The following CDKN2B-AS1 variants were observed in gnomAD, a reference collection of about 807,000 sequenced individuals.
CDKN2B-AS1 encodes CDKN2B antisense RNA 1 (non-protein coding).
In CDKN2B-AS1 at chr9:21,998,211, ACT is replaced by A. The variant is rs3218017; in HGVS notation, n.29+3053_29+3054del. The stretch of plus-strand genomic sequence containing the variant: ...TCAGCAAAATACAATGGTGAAGATG[ACT>A]CTTTCTAGCATAACAATGGGTATGT... On this transcript the variant is annotated intron_variant and non_coding_transcript_variant, in intron 1 of 4. Coordinates refer to ENST00000650946, the Ensembl canonical transcript of CDKN2B-AS1. 1.7e-3 allele frequency among the ~76,000 whole-genome samples: 253 copies of A among 152,210 alleles called. 5 individuals carry two copies. Among genetic ancestry groups the A allele is most frequent in the African/African-American group, 5.9e-3 (243 of 41,538 alleles).
chr9:22,045,528 C>T (rs1448187469), intron 1 of CDKN2B-AS1, among the ~76,000 whole-genome samples: 1 of 152,014 alleles, frequency 6.6e-6, no homozygotes, highest in Non-Finnish European at 1.5e-5. Flanking sequence ...AATAGTTTAG[C>T]TTCACTAAAC....
At chr9:22,064,562 G>C (rs1331823491) in intron 4 of CDKN2B-AS1, among the ~76,000 whole-genome samples, 2 of 152,180 alleles carry the variant, frequency 1.3e-5, no homozygotes, top group Non-Finnish European at 2.9e-5. Context: ...AACCTTAATT[G>C]GAATTAATTG....
intron 1 of CDKN2B-AS1, among the ~76,000 whole-genome samples, chr9:22,040,940 T>C (rs186110846): frequency 5.3e-5 from 8 of 152,154 alleles, no homozygotes; most frequent in Non-Finnish European, 1.2e-4. Context: ...AATGTATCTC[T>C]AGGCTTTCTC....
intron 1 of CDKN2B-AS1, among the ~76,000 whole-genome samples, chr9:22,015,243 C>T (rs965550280): frequency 6.6e-6 from 1 of 152,276 alleles, no homozygotes; most frequent in African/African-American, 2.4e-5. Flanking sequence ...AAAAGTGTTC[C>T]TATTTCTCCA....
intron 1 of CDKN2B-AS1, among the ~76,000 whole-genome samples, chr9:22,034,764 CTG>C (rs1822617057): frequency 6.6e-6 from 1 of 152,110 alleles, no homozygotes; most frequent in South Asian, 2.1e-4. Context: ...CTCATCTCTG[CTG>C]TTGTAATAAA....
intron 1 of CDKN2B-AS1, among the ~76,000 whole-genome samples, chr9:22,044,441 C>G (rs542220795): frequency 6.6e-6 from 1 of 152,046 alleles, no homozygotes; most frequent in African/African-American, 2.4e-5. Context: ...TGTGAATACT[C>G]TGGAGATTTG....
chr9:22,012,378 G>A lies in CDKN2B-AS1; in HGVS notation n.29+17217G>A, dbSNP rs535623619. 4.2e-6 allele frequency: 4 copies of A among 958,498 alleles called. No individual in the cohort carries two copies. In the South Asian group the frequency reaches 5.2e-5, roughly 12 times the overall value. The allele number at this position is 958,498 out of a possible 1,614,324, so 59.4% of individuals were successfully genotyped here. A position where few individuals can be genotyped will look rare whatever the true frequency, so the allele number is the denominator to read the frequency against. On this transcript the variant is annotated intron_variant and non_coding_transcript_variant, in intron 1 of 4. Transcript: ENST00000650946. ...CCGCACCTGGTGCTGCACCTGCGAGGTGGCATTATTGAGCCTTCACTCTTC... is the reference window on the plus strand; with the variant it reads ...CCGCACCTGGTGCTGCACCTGCGAGATGGCATTATTGAGCCTTCACTCTTC...
intron 1 of CDKN2B-AS1, among the ~76,000 whole-genome samples, chr9:22,033,657 A>G (rs963792664): frequency 1.3e-5 from 2 of 152,188 alleles, no homozygotes; most frequent in Admixed American, 1.3e-4. Context: ...TTTCCTATAC[A>G]GTATGCAGCC....
At chr9:22,034,391 G>T (rs1349965571) in intron 1 of CDKN2B-AS1, among the ~76,000 whole-genome samples, 1 of 152,092 alleles carries the variant, frequency 6.6e-6, no homozygotes, top group Non-Finnish European at 1.5e-5. Flanking sequence ...CTGACTTTCT[G>T]CCTTAGGTGT....
intron 4 of CDKN2B-AS1, among the ~76,000 whole-genome samples, chr9:22,085,704 G>C (rs957054554): frequency 7.3e-6 from 1 of 136,652 alleles, no homozygotes; most frequent in Non-Finnish European, 1.5e-5. Flanking sequence ...GAGGGCAACA[G>C]AGCGAGACTC....
chr9:22,045,038 T>TGTGTGTGTGTGTGTGTG (rs58026190), intron 1 of CDKN2B-AS1, among the ~76,000 whole-genome samples: 1 of 141,850 alleles, frequency 7.0e-6, no homozygotes, highest in African/African-American at 2.7e-5. Context: ...TATTATTTAT[T>TGTGTGTGTGTGTGTGTG]TGTGTGTGTG....
At position 22,000,289 on chromosome 9, in the gene CDKN2B-AS1, T is replaced by G. The variant is rs548617018; in HGVS notation, n.29+5128T>G. On this transcript the variant is annotated intron_variant and non_coding_transcript_variant, in intron 1 of 4. Coordinates refer to ENST00000650946, the Ensembl canonical transcript of CDKN2B-AS1. This position sits in a 1 kb window ranked among gnomAD's most constrained non-coding sequence, Gnocchi z 4.1. Reference sequence around the variant, plus strand: ...GAGGCAAACACCATTCTTATAGACATAAGACATACTTGGGAGCAAATGTAT... The same window carrying G: ...GAGGCAAACACCATTCTTATAGACAGAAGACATACTTGGGAGCAAATGTAT... Among the ~76,000 whole-genome samples, 1 of 152,268 alleles carries G rather than the reference T, an allele frequency of 6.6e-6. No individual in the cohort carries two copies. The highest frequency in any genetic ancestry group is 1.9e-4 in the East Asian group (1 of 5,190).
At chr9:22,051,557 A>G (rs1330339783) in intron 3 of CDKN2B-AS1, among the ~76,000 whole-genome samples, 1 of 152,206 alleles carries the variant, frequency 6.6e-6, no homozygotes, top group African/African-American at 2.4e-5. Context: ...GCAGTTATAT[A>G]CAATGTTTCT....
chr9:22,017,071 C>T (rs888185392), intron 1 of CDKN2B-AS1, among the ~76,000 whole-genome samples: 2 of 152,136 alleles, frequency 1.3e-5, no homozygotes, highest in Non-Finnish European at 2.9e-5. Flanking sequence ...CAGTCCTATA[C>T]ATAATATTAA....
intron 2 of CDKN2B-AS1, among the ~76,000 whole-genome samples, chr9:22,048,488 T>C (rs1823202420): frequency 6.6e-6 from 1 of 152,204 alleles, no homozygotes; most frequent in Admixed American, 6.6e-5. Context: ...AGGTCTCCAC[T>C]GGATTTTTTC....
At chr9:22,124,565 C>A (rs1817989773) in intron 4 of CDKN2B-AS1, among the ~76,000 whole-genome samples, 1 of 152,182 alleles carries the variant, frequency 6.6e-6, no homozygotes, top group Non-Finnish European at 1.5e-5. Context: ...AAATATTATG[C>A]TTATTTCTGT....
At chr9:22,062,447 T>C (rs2131300467) in intron 4 of CDKN2B-AS1, among the ~76,000 whole-genome samples, 1 of 152,264 alleles carries the variant, frequency 6.6e-6, no homozygotes, top group South Asian at 2.1e-4. Context: ...AAATTTAGGT[T>C]GGTGTTATGT....
exon 4 of CDKN2B-AS1, chr9:22,056,301 C>G (rs372913698): frequency 2.0e-5 from 3 of 150,340 alleles, no homozygotes; most frequent in South Asian, 2.1e-4. Flanking sequence ...AACTCTCGAC[C>G]TCGTGATTCG....
intron 1 of CDKN2B-AS1, among the ~76,000 whole-genome samples, chr9:22,042,927 T>C (rs1464821612): frequency 6.6e-6 from 1 of 152,042 alleles, no homozygotes; most frequent in Non-Finnish European, 1.5e-5. Context: ...ATGAAATGTA[T>C]ACATGTTTGG....
Sources: gnomAD v4.1 joint callset for allele counts (sites outside exome capture counted in the v4.1 genomes callset) on GRCh38, gnomAD v4.1.1 for gene constraint, Gnocchi (gnomAD v3.1) non-coding constraint, MANE v1.5 for transcripts, NCBI Gene and HGNC (gene_info 2026-07-23, HGNC 2026-07-21) for gene names.